The following CHST9 variants were observed in gnomAD, a reference collection of about 807,000 sequenced individuals.
CHST9 encodes carbohydrate sulfotransferase 9.
A neutral mutation model predicts 44.4 loss-of-function variants in CHST9; 41 were observed. The ratio of observed to expected loss-of-function variants is 0.92; its 90% CI spans 0.72 to 1.20. The LOEUF (loss-of-function observed/expected upper bound fraction) is 1.20. Ranked by LOEUF, CHST9 falls within the 50% of genes most tolerant of loss-of-function variation. CHST9 has a pLI of 0.00. For missense variants in CHST9, 504 were observed against 516.5 expected (o/e 0.98, Z 0.23); for synonymous variants, 171 against 178.4 (o/e 0.96, Z 0.33).
intron 2 of CHST9, among the ~76,000 whole-genome samples, chr18:27,048,932 A>G (rs1458856505): frequency 1.3e-5 from 2 of 152,134 alleles, no homozygotes; most frequent in Non-Finnish European, 2.9e-5. Flanking sequence ...TGAGATGATG[A>G]AACAGTTATT....
chr18:27,055,830 T>A (rs546756747), intron 2 of CHST9, among the ~76,000 whole-genome samples: 1 of 152,258 alleles, frequency 6.6e-6, no homozygotes, highest in African/African-American at 2.4e-5. Flanking sequence ...TTCGATGGAC[T>A]AACTTCTCAT....
At chr18:27,046,730 A>G (rs1283057316) in intron 3 of CHST9, among the ~76,000 whole-genome samples, 3 of 152,086 alleles carry the variant, frequency 2.0e-5, no homozygotes, top group Non-Finnish European at 2.9e-5. Context: ...TTACAAATTT[A>G]GATTTCCTGA....
intron 2 of CHST9, among the ~76,000 whole-genome samples, chr18:27,098,745 A>G (rs2058142309): frequency 6.6e-6 from 1 of 151,748 alleles, no homozygotes; most frequent in Non-Finnish European, 1.5e-5. Flanking sequence ...AAGTGGGAGT[A>G]CAAAGTGGCT....
intron 4 of CHST9, among the ~76,000 whole-genome samples, chr18:27,020,638 A>T (rs2057213645): frequency 6.6e-6 from 1 of 152,228 alleles, no homozygotes; most frequent in Non-Finnish European, 1.5e-5. Context: ...ATGAATAGCC[A>T]TTGACTGAGG....
intron 4 of CHST9, among the ~76,000 whole-genome samples, chr18:26,994,885 G>A (rs926285668): frequency 6.6e-6 from 1 of 152,016 alleles, no homozygotes. Context: ...CATTGTGCCT[G>A]GCCTGGATTT....
intron 2 of CHST9, among the ~76,000 whole-genome samples, chr18:27,074,094 A>G (rs2057873547): frequency 6.6e-6 from 1 of 152,166 alleles, no homozygotes; most frequent in South Asian, 2.1e-4. Context: ...TTCATATTTT[A>G]TCCTAGCACA....
chr18:26,971,364 C>T (rs2056540129), intron 4 of CHST9, among the ~76,000 whole-genome samples: 1 of 151,754 alleles, frequency 6.6e-6, no homozygotes, highest in Non-Finnish European at 1.5e-5. Context: ...GAAATTCACT[C>T]AACAAACACT....
At chr18:27,173,339 C>A (rs1028578850) in intron 1 of CHST9, among the ~76,000 whole-genome samples, 26 of 151,944 alleles carry the variant, frequency 1.7e-4, no homozygotes, top group African/African-American at 6.0e-4. Flanking sequence ...GTAGCCCTGG[C>A]CAGATCTATT....
chr18:27,135,966 CA>C (rs2058510410), intron 2 of CHST9, among the ~76,000 whole-genome samples: 1 of 152,256 alleles, frequency 6.6e-6, no homozygotes, highest in South Asian at 2.1e-4. Context: ...GACTCTGGAT[CA>C]GGGGTTCTCA....
chr18:26,938,882 C>A (rs1352025922), intron 5 of CHST9, among the ~76,000 whole-genome samples: 1 of 152,156 alleles, frequency 6.6e-6, no homozygotes, highest in East Asian at 1.9e-4. Context: ...ATACCTTGTT[C>A]CTGCCTTATA....
chr18:27,048,644 C>A, intron 2 of CHST9, 141 bp from the exon 3 acceptor site: 1 of 580,172 alleles, frequency 1.7e-6, no homozygotes, highest in Non-Finnish European at 3.0e-6. Flanking sequence ...GATGACTGGG[C>A]TCAGCTGACA....
chr18:27,030,515 G>A (rs909373835), intron 3 of CHST9, among the ~76,000 whole-genome samples: 6 of 152,164 alleles, frequency 3.9e-5, no homozygotes, highest in Non-Finnish European at 7.3e-5. Context: ...AAAAGACGGC[G>A]AGATGCAAGA....
intron 4 of CHST9, among the ~76,000 whole-genome samples, chr18:26,994,330 C>T (rs536621524): frequency 2.6e-5 from 4 of 152,168 alleles, no homozygotes; most frequent in Middle Eastern, 3.4e-3. Context: ...CTAAAGTGAC[C>T]TAATACATAA....
chr18:26,963,573 TA>T (rs34202207), intron 4 of CHST9, among the ~76,000 whole-genome samples: 43,503 of 137,090 alleles, frequency 0.32, 7,440 homozygotes, highest in African/African-American at 0.51. Flanking sequence ...TAAGGAGTAT[TA>T]AAAAAAAAAA....
intron 4 of CHST9, among the ~76,000 whole-genome samples, chr18:26,957,135 C>G (rs2056336220): frequency 1.3e-5 from 2 of 152,172 alleles, no homozygotes; most frequent in Non-Finnish European, 2.9e-5. Context: ...CTGTATCAAT[C>G]AAACCTGTGG....
chr18:27,158,394 G>A (rs1442741134), intron 1 of CHST9, among the ~76,000 whole-genome samples: 6 of 151,758 alleles, frequency 4.0e-5, no homozygotes, highest in Non-Finnish European at 1.5e-5. Flanking sequence ...TGAGAATGAT[G>A]GTTTTCAGCT....
At chr18:27,158,505 T>C (rs1345938229) in intron 1 of CHST9, among the ~76,000 whole-genome samples, 1 of 150,896 alleles carries the variant, frequency 6.6e-6, no homozygotes, top group Non-Finnish European at 1.5e-5. Flanking sequence ...AGTCTATCAT[T>C]GTTGGACATT....
chr18:27,007,385 T>TA (rs1430436919), intron 4 of CHST9, among the ~76,000 whole-genome samples: 1 of 152,104 alleles, frequency 6.6e-6, no homozygotes, highest in Non-Finnish European at 1.5e-5. Context: ...AGGTGACACT[T>TA]ACTGAACTGA....
chr18:27,081,879 C>T (rs2057964348), intron 2 of CHST9, among the ~76,000 whole-genome samples: 1 of 152,124 alleles, frequency 6.6e-6, no homozygotes, highest in Non-Finnish European at 1.5e-5. Context: ...AAACTTCCTG[C>T]TACATGATAC....
Sources: allele counts gnomAD v4.1 joint callset (sites outside exome capture counted in the v4.1 genomes callset), GRCh38; gene constraint gnomAD v4.1.1; transcripts MANE v1.5; gene names NCBI Gene and HGNC (gene_info 2026-07-23, HGNC 2026-07-21).